The following C11orf65 variants were observed in gnomAD, a reference collection of about 807,000 sequenced individuals.
C11orf65 encodes chromosome 11 open reading frame 65.
Under a neutral mutation model 35.3 loss-of-function variants are expected in C11orf65, and 38 were observed. The ratio of observed to expected loss-of-function variants is 1.08; its 90% CI spans 0.83 to 1.41. C11orf65 has a LOEUF of 1.41. Among genes scored for constraint, C11orf65 ranks in the 40% most tolerant of loss-of-function variants. The probability of loss-of-function intolerance (pLI) is 0.00; values close to 1 mark genes in which losing one functional copy is unlikely to be tolerated. For missense variants in C11orf65, 370 were observed against 367.1 expected (o/e 1.01, Z -0.06); for synonymous variants, 105 against 114.4 (o/e 0.92, Z 0.53).
chr11:108,394,987 C>T (rs2092270181), intron 6 of C11orf65, among the ~76,000 whole-genome samples: 2 of 151,984 alleles, frequency 1.3e-5, no homozygotes, highest in African/African-American at 4.8e-5. Context: ...AAAACATAGC[C>T]AAGCACAGTG....
rs71047691 is a variant in C11orf65, at chr11:108,403,409, G to GTTTTTTTTTT, written c.560+2010_560+2019dup. On this transcript the variant is annotated intron_variant, in intron 6 of 8. Coordinates refer to ENST00000393084, the MANE Select transcript of C11orf65 (RefSeq NM_152587.5). The stretch of plus-strand genomic sequence containing the variant: ...ACTTTAAAATGTGATTGTTTGAGAG[G>GTTTTTTTTTT]TTTTTTTTTTGTTTTTTTTTTTTTT... Among the ~76,000 whole-genome samples the GTTTTTTTTTT allele has an allele frequency of 1.8e-4, 12 of 67,300 alleles. 1 individual carries two copies. Among genetic ancestry groups the GTTTTTTTTTT allele is most frequent in the Admixed American group, 7.9e-4 (5 of 6,312 alleles). The allele number at this position is 67,300 out of a possible 152,430, so 44.2% of individuals were successfully genotyped here.
chr11:108,344,398 G>A lies in C11orf65; in HGVS notation c.227-9106C>T, dbSNP rs529179598. Among the ~76,000 whole-genome samples, 107 of 152,246 alleles carry A rather than the reference G, an allele frequency of 7.0e-4. 2 individuals are homozygous for A. The highest frequency in any genetic ancestry group is 2.5e-3 in the African/African-American group (104 of 41,544). Reference sequence around the variant, plus strand: ...AGCAGGAAAAGACAACATAAGCATAGGCTTAGTGTTTGAGGAAGAAAAGAT... The same window carrying A: ...AGCAGGAAAAGACAACATAAGCATAAGCTTAGTGTTTGAGGAAGAAAAGAT... On this transcript the variant is annotated intron_variant, in intron 2 of 3. Transcript: ENST00000524755.
intron 7 of C11orf65, among the ~76,000 whole-genome samples, chr11:108,387,541 T>A (rs1408303052): frequency 2.0e-5 from 3 of 152,176 alleles, no homozygotes; most frequent in African/African-American, 7.2e-5. Flanking sequence ...ATACTTATTT[T>A]TATGGAGACA....
chr11:108,332,180 C>T lies in C11orf65; in HGVS notation c.300-613G>A, dbSNP rs961713011. Reference sequence around the variant, plus strand: ...CGGTGGCTCACGCCTGTAATCCCAGCACTTTGGGAGGCTGAGGCGGGTGGA... The same window carrying T: ...CGGTGGCTCACGCCTGTAATCCCAGTACTTTGGGAGGCTGAGGCGGGTGGA... On this transcript the variant is annotated intron_variant, in intron 3 of 3. Coordinates refer to the C11orf65 transcript ENST00000524755. 16 of 1,077,604 alleles carry T rather than the reference C, an allele frequency of 1.5e-5. 1 individual carries two copies. In the Admixed American group the frequency reaches 3.6e-4, roughly 24 times the overall value. 66.8% of individuals were successfully genotyped at this position (1,077,604 alleles called of 1,614,324 possible). A position where few individuals can be genotyped will look rare whatever the true frequency, so the allele number is the denominator to read the frequency against.
chr11:108,348,115 A>C (rs887908798), intron 2 of C11orf65, among the ~76,000 whole-genome samples: 7 of 152,142 alleles, frequency 4.6e-5, no homozygotes, highest in African/African-American at 1.4e-4. Context: ...TGTAAATAGT[A>C]AGAAAGTGAT....
In C11orf65 at chr11:108,382,911, G is replaced by A. The variant is rs927502807; in HGVS notation, c.*110C>T. On this transcript the variant is annotated 3_prime_UTR_variant, in exon 9 of 9. Coordinates refer to ENST00000393084, the MANE Select transcript of C11orf65 (RefSeq NM_152587.5). ...TCCTTACTTAACTGAGCTAGATTCT[G>A]TGCCCAGAATATATACACAAGTTAT... The A allele has an allele frequency of 6.4e-7, 1 of 1,555,096 alleles. No individual in the cohort carries two copies. The highest frequency in any genetic ancestry group is 1.4e-5 in the African/African-American group (1 of 71,964).
chr11:108,340,938 G>GT (rs563151841), intron 2 of C11orf65, among the ~76,000 whole-genome samples: 2 of 152,048 alleles, frequency 1.3e-5, no homozygotes, highest in South Asian at 2.1e-4. Flanking sequence ...TTTTATTGAG[G>GT]TTTTTTTGGT....
chr11:108,427,596 T>C (rs28861227), intron 3 of C11orf65, among the ~76,000 whole-genome samples: 61,588 of 144,710 alleles, frequency 0.43, 13,482 homozygotes, highest in Middle Eastern at 0.67. Context: ...GTGGCGCGCG[T>C]CTGTAGTCCC....
exon 7 of C11orf65, chr11:108,308,810 A>T: frequency 1.9e-6 from 1 of 537,240 alleles, no homozygotes; most frequent in Non-Finnish European, 3.3e-6. Flanking sequence ...TAGAAAAAGA[A>T]GTTTTATGCT....
intron 2 of C11orf65, among the ~76,000 whole-genome samples, chr11:108,363,417 G>C (rs1435865119): frequency 1.1e-4 from 16 of 152,068 alleles, no homozygotes; most frequent in Non-Finnish European, 5.9e-5. Context: ...TCTCCTCTAA[G>C]ATTTTATGTG....
At chr11:108,356,293 T>A (rs1182269423) in intron 2 of C11orf65, among the ~76,000 whole-genome samples, 2 of 152,144 alleles carry the variant, frequency 1.3e-5, no homozygotes, top group Non-Finnish European at 2.9e-5. Flanking sequence ...CCCAGCACTT[T>A]GAGAGGCCGA....
chr11:108,371,530 C>T (rs2091575877), intron 2 of C11orf65, among the ~76,000 whole-genome samples: 1 of 152,132 alleles, frequency 6.6e-6, no homozygotes, highest in African/African-American at 2.4e-5. Context: ...ATAATGTCCT[C>T]AAGGTTCGTC....
intron 6 of C11orf65, among the ~76,000 whole-genome samples, chr11:108,400,869 G>A (rs1001035414): frequency 6.6e-6 from 1 of 152,162 alleles, no homozygotes; most frequent in Admixed American, 6.5e-5. Flanking sequence ...CACTTTGGGA[G>A]GCCGAGGCAG....
At position 108,398,569 on chromosome 11, in the gene C11orf65, AAAG is replaced by A. The variant is rs1407328616; in HGVS notation, c.561-5194_561-5192del. On this transcript the variant is annotated intron_variant, in intron 6 of 8. Coordinates refer to ENST00000393084, the MANE Select transcript of C11orf65 (RefSeq NM_152587.5). Reference sequence around the variant, plus strand: ...TGTGTTGAGGGTAAATAAACACAGGAAAGAAGAAGTAAAACGCATATTATTCTT... The same window carrying A: ...TGTGTTGAGGGTAAATAAACACAGGAAAGAAGTAAAACGCATATTATTCTT... Among the ~76,000 whole-genome samples, 28 of 152,368 alleles carry A rather than the reference AAAG, an allele frequency of 1.8e-4. No homozygotes were observed. In the East Asian group the frequency reaches 4.8e-3, roughly 26 times the overall value.
chr11:108,322,281 A>G (rs2085293115), intron 6 of C11orf65, among the ~76,000 whole-genome samples: 1 of 151,950 alleles, frequency 6.6e-6, no homozygotes, highest in South Asian at 2.1e-4. Flanking sequence ...CAGCCTCCCG[A>G]GTAGCTGGGA....
downstream of C11orf65, among the ~76,000 whole-genome samples, chr11:108,379,160 A>G (rs1364228943): frequency 1.3e-5 from 2 of 152,160 alleles, no homozygotes; most frequent in Admixed American, 6.5e-5. Context: ...TCATGCTGCT[A>G]TAAAGACACA....
intron 6 of C11orf65, among the ~76,000 whole-genome samples, chr11:108,402,851 T>C (rs2092463456): frequency 1.3e-5 from 2 of 152,188 alleles, no homozygotes; most frequent in East Asian, 1.9e-4. Flanking sequence ...TCTTTTTTGA[T>C]AGATTTATTT....
intron 2 of C11orf65, chr11:108,347,454 A>G (rs2088587173): frequency 9.0e-7 from 1 of 1,106,204 alleles, no homozygotes; most frequent in Admixed American, 1.9e-5. Context: ...TTACAAATAT[A>G]AGAGACAGAT....
chr11:108,406,707 A>T, intron 5 of C11orf65, 56 bp downstream of exon 5: 2 of 1,092,480 alleles, frequency 1.8e-6, no homozygotes, highest in Non-Finnish European at 2.6e-6. Context: ...ATTTTTGAAA[A>T]GACAAATGGG....
Sources: allele counts gnomAD v4.1 joint callset (sites outside exome capture counted in the v4.1 genomes callset), GRCh38; gene constraint gnomAD v4.1.1; transcripts MANE v1.5; gene names NCBI Gene and HGNC (gene_info 2026-07-23, HGNC 2026-07-21).